The following ROBO2 variants were observed in gnomAD, a reference collection of about 807,000 sequenced individuals.
The protein encoded by ROBO2 is roundabout guidance receptor 2, also known as roundabout homolog 2.
Under a neutral mutation model 160.8 loss-of-function variants are expected in ROBO2, and 53 were observed. The observed-to-expected ratio is 0.33, with a 90% CI of 0.26 to 0.41. ROBO2 has a LOEUF of 0.41. Among genes scored for constraint, ROBO2 ranks in the 10% least tolerant of loss-of-function variants. The pLI, the probability that ROBO2 is intolerant of heterozygous loss-of-function variation, is 1.00. For missense variants in ROBO2, 1,577 were observed against 1,722.4 expected (o/e 0.92, Z 1.49); for synonymous variants, 664 against 611.7 (o/e 1.09, Z -1.26).
chr3:77,638,395 T>C (rs190820819), intron 24 of ROBO2, among the ~76,000 whole-genome samples: 1 of 152,292 alleles, frequency 6.6e-6, no homozygotes, highest in East Asian at 1.9e-4. Flanking sequence ...GATCAGACCT[T>C]TATGGTTTCT....
At chr3:77,365,168 GA>G (rs2070668130) in intron 2 of ROBO2, among the ~76,000 whole-genome samples, 1 of 138,362 alleles carries the variant, frequency 7.2e-6, no homozygotes, top group Non-Finnish European at 1.6e-5. Context: ...AAAAAAAAAA[GA>G]AAGAAAAAGA....
At chr3:76,109,629 A>G (rs1236521238) in intron 2 of ROBO2, among the ~76,000 whole-genome samples, 8 of 151,940 alleles carry the variant, frequency 5.3e-5, no homozygotes, top group Admixed American at 3.9e-4. Flanking sequence ...TGCTGTTCCC[A>G]TGTTTCTCTT....
rs1407705793 is a variant in ROBO2, at chr3:77,558,172, A to G, written c.1437+23A>G. 5 of 1,585,108 alleles carry G rather than the reference A, an allele frequency of 3.2e-6. No homozygotes were observed. In the South Asian group the frequency reaches 5.5e-5, roughly 18 times the overall value. The stretch of plus-strand genomic sequence containing the variant: ...CGGGTAAGTAATATTGGACTTGTAC[A>G]TGAATTATCATCTACACATAAGTAC... On this transcript the variant is annotated intron_variant, in intron 9 of 25. Transcript: ENST00000461745.
At chr3:77,080,493 G>A (rs1370419993) in intron 1 of ROBO2, among the ~76,000 whole-genome samples, 2 of 152,304 alleles carry the variant, frequency 1.3e-5, no homozygotes, top group East Asian at 1.9e-4. Context: ...AATGAGATAG[G>A]AATTGATGTG....
intron 2 of ROBO2, among the ~76,000 whole-genome samples, chr3:77,025,221 A>G (rs1027900716): frequency 6.6e-6 from 1 of 152,168 alleles, no homozygotes; most frequent in African/African-American, 2.4e-5. Flanking sequence ...TGTCCTTTGC[A>G]TTTGAGCTCT....
At chr3:77,284,236 A>G (rs2060434198) in intron 2 of ROBO2, among the ~76,000 whole-genome samples, 1 of 152,162 alleles carries the variant, frequency 6.6e-6, no homozygotes, top group Non-Finnish European at 1.5e-5. Flanking sequence ...CCTAAGTGAG[A>G]TATTTACTAT....
intron 2 of ROBO2, among the ~76,000 whole-genome samples, chr3:76,082,978 C>T (rs1027080582): frequency 5.9e-5 from 9 of 151,876 alleles, no homozygotes; most frequent in African/African-American, 9.7e-5. Flanking sequence ...ATCAACCAAA[C>T]GTGTTTGGTG....
At chr3:77,284,242 A>T (rs1266583503) in intron 2 of ROBO2, among the ~76,000 whole-genome samples, 2 of 152,162 alleles carry the variant, frequency 1.3e-5, no homozygotes, top group African/African-American at 4.8e-5. Context: ...TGAGATATTT[A>T]CTATTTGCCT....
chr3:77,642,277 C>T (rs1490689829), intron 24 of ROBO2, among the ~76,000 whole-genome samples: 1 of 152,070 alleles, frequency 6.6e-6, no homozygotes, highest in Non-Finnish European at 1.5e-5. Context: ...GTTCTTGGGG[C>T]CTTTTGTTAG....
At chr3:76,217,819 A>C (rs924418220) in intron 2 of ROBO2, among the ~76,000 whole-genome samples, 1 of 152,232 alleles carries the variant, frequency 6.6e-6, no homozygotes, top group African/African-American at 2.4e-5. Context: ...TTATGAGGCC[A>C]GCATCATCCT....
intron 2 of ROBO2, among the ~76,000 whole-genome samples, chr3:77,382,544 G>T (rs1454738951): frequency 6.6e-6 from 1 of 151,932 alleles, no homozygotes; most frequent in Non-Finnish European, 1.5e-5. Flanking sequence ...CCAGTATGTA[G>T]TTTTTCTCCT....
chr3:76,168,484 GTTC>G (rs1441820686), intron 2 of ROBO2, among the ~76,000 whole-genome samples: 1 of 151,950 alleles, frequency 6.6e-6, no homozygotes, highest in Non-Finnish European at 1.5e-5. Context: ...GTCATTGTCA[GTTC>G]TTCTTAGGTA....
intron 6 of ROBO2, among the ~76,000 whole-genome samples, chr3:77,529,910 A>C (rs144745040): frequency 3.5e-4 from 53 of 152,112 alleles, no homozygotes; most frequent in African/African-American, 1.2e-3. Flanking sequence ...GAAGACACAT[A>C]ATAAGGCAAT....
intron 2 of ROBO2, among the ~76,000 whole-genome samples, chr3:76,945,770 T>C (rs556073220): frequency 6.6e-6 from 1 of 152,360 alleles, no homozygotes; most frequent in African/African-American, 2.4e-5. Flanking sequence ...GCAAGTTCCA[T>C]TTGGTCTTCT....
intron 5 of ROBO2, among the ~76,000 whole-genome samples, chr3:77,505,045 G>T (rs1682204986): frequency 6.6e-6 from 1 of 152,196 alleles, no homozygotes; most frequent in African/African-American, 2.4e-5. Context: ...GGCACTTAAG[G>T]CCACAAAGGT....
intron 1 of ROBO2, among the ~76,000 whole-genome samples, chr3:77,092,582 TTTAA>T (rs1459215169): frequency 6.8e-6 from 1 of 146,820 alleles, no homozygotes; most frequent in Non-Finnish European, 1.5e-5. Context: ...TATATATTAT[TTTAA>T]TTAAATAATA....
Position 76,033,852 on chromosome 3 carries a change from T to G in ROBO2, c.109+96250T>G, listed in dbSNP as rs543053686. 7.9e-5 allele frequency among the ~76,000 whole-genome samples: 12 copies of G among 152,268 alleles called. No individual in the cohort carries two copies. In the South Asian group the frequency reaches 2.5e-3, roughly 32 times the overall value. On this transcript the variant is annotated intron_variant, in intron 2 of 26. Coordinates refer to the ROBO2 transcript ENST00000487694. ...AGATTGTGTTTCTACCTGCGGCCTG[T>G]CACCCTCCCGTCTCTCCGTGTGGTT...
At chr3:76,250,777 T>C (rs1223979182) in intron 2 of ROBO2, among the ~76,000 whole-genome samples, 1 of 152,120 alleles carries the variant, frequency 6.6e-6, no homozygotes, top group African/African-American at 2.4e-5. Context: ...TTTTAACTTC[T>C]ACCCATTTTC....
At chr3:76,755,576 A>G (rs566019674) in intron 2 of ROBO2, among the ~76,000 whole-genome samples, 3 of 151,974 alleles carry the variant, frequency 2.0e-5, no homozygotes, top group South Asian at 4.1e-4. Context: ...TTCCATTCAC[A>G]TCTCAACTTC....
Sources: allele counts gnomAD v4.1 joint callset (sites outside exome capture counted in the v4.1 genomes callset), GRCh38; gene constraint gnomAD v4.1.1; transcripts MANE v1.5; gene names NCBI Gene and HGNC (gene_info 2026-07-23, HGNC 2026-07-21).